ADA2: variants seen among roughly 807,000 people sequenced by gnomAD.
The protein encoded by ADA2 is adenosine deaminase CECR1.
A neutral mutation model predicts 44.2 loss-of-function variants in ADA2; 29 were observed. The ratio of observed to expected loss-of-function variants is 0.66; its 90% CI spans 0.49 to 0.89. The LOEUF is 0.89. Ranked by LOEUF, ADA2 falls within the 40% of genes least tolerant of loss-of-function variation. The probability of loss-of-function intolerance (pLI) is 0.00; values close to 1 mark genes in which losing one functional copy is unlikely to be tolerated. For synonymous variants in ADA2, 215 were observed against 234.9 expected (o/e 0.92, Z 0.77); for missense variants, 637 against 644.8 (o/e 0.99, Z 0.13).
chr22:17,191,564 C>G, intron 5 of ADA2, 119 bp downstream of exon 5: 1 of 1,115,894 alleles, frequency 9.0e-7, no homozygotes. Context: ...CTCCTTGGCA[C>G]CAGTGCTGGG....
chr22:17,212,013 C>A (rs1004697252), intron 1 of ADA2, among the ~76,000 whole-genome samples: 1 of 149,088 alleles, frequency 6.7e-6, no homozygotes, highest in Non-Finnish European at 1.5e-5. Context: ...CTATTTTTTT[C>A]TTTTCTTTTC....
intron 7 of ADA2, among the ~76,000 whole-genome samples, chr22:17,186,598 G>A (rs372635700): frequency 4.0e-5 from 6 of 149,202 alleles, no homozygotes; most frequent in Non-Finnish European, 8.9e-5. Context: ...ATTTTTTTCC[G>A]TGGCTCAAGC....
intron 1 of ADA2, among the ~76,000 whole-genome samples, chr22:17,212,039 T>C (rs1296820352): frequency 6.6e-5 from 10 of 152,038 alleles, no homozygotes; most frequent in Non-Finnish European, 1.5e-5. Context: ...TTTTCTTTTG[T>C]GGGGGACGGA....
chr22:17,188,312 G>A, intron 7 of ADA2, 27 bp downstream of exon 7: 3 of 1,555,164 alleles, frequency 1.9e-6, no homozygotes, highest in Non-Finnish European at 2.7e-6. Flanking sequence ...CACCTCCGCT[G>A]CCTCTGCTCG....
At chr22:17,191,832 G>A in intron 4 of ADA2, 22 bp from the exon 5 acceptor site, 1 of 1,604,218 alleles carries the variant, frequency 6.2e-7, no homozygotes, top group Non-Finnish European at 8.5e-7. Flanking sequence ...GCACAACCAG[G>A]AGCCGTCAGG....
At chr22:17,211,315 C>T (rs1047089710) in intron 1 of ADA2, among the ~76,000 whole-genome samples, 3 of 151,982 alleles carry the variant, frequency 2.0e-5, no homozygotes, top group East Asian at 1.9e-4. Flanking sequence ...GCTGAGTTCG[C>T]GCCACTGCAC....
At chr22:17,185,402 G>A (rs971621264) in intron 7 of ADA2, among the ~76,000 whole-genome samples, 58 of 148,008 alleles carry the variant, frequency 3.9e-4, no homozygotes, top group South Asian at 2.2e-3. Context: ...GGGACAGAGC[G>A]AGACTCCGTC....
chr22:17,182,369 C>T (rs188506971), intron 8 of ADA2, among the ~76,000 whole-genome samples: 2 of 152,250 alleles, frequency 1.3e-5, no homozygotes, highest in Admixed American at 1.3e-4. Flanking sequence ...TTTGCTTTGT[C>T]TACAGTCTTG....
intron 7 of ADA2, among the ~76,000 whole-genome samples, chr22:17,185,960 T>G (rs1453991586): frequency 2.0e-5 from 3 of 152,162 alleles, no homozygotes; most frequent in African/African-American, 7.2e-5. Flanking sequence ...TGATCTTTCT[T>G]AGTTAGGGTT....
In ADA2 at chr22:17,203,746, G is replaced by T; in HGVS notation, c.570C>A (p.Thr190=). The change falls in exon 4 of 10, where the codon ACC becomes ACA. Residue 190 remains threonine, a synonymous_variant. Transcript: ENST00000399837. ...TTGTGTAAATCACCTCCGGGTGCTG[G>T]GTCACCAGAGTGAAATTCCTCAGCA... ...DSLLRNFTLV[T]QHPEVIYTNQ... 1.2e-6 allele frequency: 2 copies of T among 1,613,856 alleles called. No individual in the cohort carries two copies. The highest frequency in any genetic ancestry group is 1.7e-6 in the Non-Finnish European group (2 of 1,179,824).
chr22:17,189,774 G>T, intron 6 of ADA2, 168 bp downstream of exon 6: 1 of 590,670 alleles, frequency 1.7e-6, no homozygotes, highest in Non-Finnish European at 3.1e-6. Context: ...GAGGGTCAGC[G>T]CTGAGCTCTG....
At position 17,209,433 on chromosome 22, in the gene ADA2, G is replaced by C; in HGVS notation, c.245C>G (p.Pro82Arg). The change falls in exon 2 of 10, where the codon CCC becomes CGC. Residue 82 changes from proline to arginine, a missense_variant. Coordinates refer to ENST00000399837, the MANE Select transcript of ADA2 (RefSeq NM_001282225.2). ...KEAMRTLIFP[P>R]SMHFFQAKHL... ...CTTGGCCTGGAAAAAGTGCATGCTGGGTGGGAATATCAGGGTCCTCATGGC... is the reference window on the plus strand; with the variant it reads ...CTTGGCCTGGAAAAAGTGCATGCTGCGTGGGAATATCAGGGTCCTCATGGC... The C allele has an allele frequency of 6.2e-7, 1 of 1,614,074 alleles. No individual in the cohort carries two copies. The highest frequency in any genetic ancestry group is 8.5e-7 in the Non-Finnish European group (1 of 1,180,022).
chr22:17,189,739 C>T, intron 6 of ADA2: 1 of 535,260 alleles, frequency 1.9e-6, no homozygotes, highest in East Asian at 3.2e-5. Flanking sequence ...TCTCCAGTGA[C>T]AGCCGTCCCC....
At chr22:17,212,394 C>T (rs1444837183) in intron 1 of ADA2, among the ~76,000 whole-genome samples, 3 of 152,144 alleles carry the variant, frequency 2.0e-5, no homozygotes, top group Non-Finnish European at 4.4e-5. Context: ...CCTCCCAGCT[C>T]CTGAGTAGCT....
At chr22:17,195,527 T>TC (rs2062179355) in intron 4 of ADA2, among the ~76,000 whole-genome samples, 1 of 91,166 alleles carries the variant, frequency 1.1e-5, no homozygotes, top group Admixed American at 1.3e-4. Flanking sequence ...AGACTCCGTC[T>TC]CAAAAAAAAA....
chr22:17,189,955 G>A lies in ADA2; in HGVS notation c.959C>T (p.Ala320Val). ...AGCATGGGTTACCAGGTCAAACCCT[G>A]CCACCACCGTGGGGAACTTGATTCG... The part of the protein sequence containing the change: ...GLRIKFPTVV[A>V]GFDLVGHEDT... Residue 320 changes from alanine to valine, a missense_variant, in exon 6 of 10, where the codon GCA becomes GTA. Coordinates refer to ENST00000399837, the MANE Select transcript of ADA2 (RefSeq NM_001282225.2). The A allele has an allele frequency of 1.2e-6, 2 of 1,613,084 alleles. No individual in the cohort carries two copies. Among genetic ancestry groups the A allele is most frequent in the African/African-American group, 1.3e-5 (1 of 75,022 alleles).
chr22:17,194,033 A>G (rs1160867009), intron 4 of ADA2, among the ~76,000 whole-genome samples: 3 of 151,548 alleles, frequency 2.0e-5, no homozygotes, highest in African/African-American at 2.4e-5. Context: ...AAAAAAAAAA[A>G]AAGAAACAAT....
At chr22:17,220,449 T>C (rs1390456000), upstream of ADA2, among the ~76,000 whole-genome samples, 2 of 152,094 alleles carry the variant, frequency 1.3e-5, no homozygotes, top group Non-Finnish European at 2.9e-5. Context: ...AAAATGTGGA[T>C]AATAAAAGCA....
intron 4 of ADA2, among the ~76,000 whole-genome samples, chr22:17,200,593 A>G (rs2062267795): frequency 6.6e-6 from 1 of 152,186 alleles, no homozygotes; most frequent in Non-Finnish European, 1.5e-5. Flanking sequence ...CACCAAGGGT[A>G]TTAACATATC....
Sources: gnomAD v4.1 joint callset for allele counts (sites outside exome capture counted in the v4.1 genomes callset) on GRCh38, gnomAD v4.1.1 for gene constraint, MANE v1.5 for transcripts, NCBI Gene and HGNC (gene_info 2026-07-23, HGNC 2026-07-21) for gene names.